The following ZDHHC19 variants were observed in gnomAD, a reference collection of about 807,000 sequenced individuals.
The protein encoded by ZDHHC19 is palmitoyltransferase ZDHHC19.
In ZDHHC19, 30 loss-of-function variants were observed where a neutral mutation model predicts 33.9. The ratio of observed to expected loss-of-function variants is 0.88; its 90% CI spans 0.66 to 1.20. The LOEUF is 1.20. Among genes scored for constraint, ZDHHC19 ranks in the 50% most tolerant of loss-of-function variants. The probability of loss-of-function intolerance (pLI) is 0.00; values close to 1 mark genes in which losing one functional copy is unlikely to be tolerated. For missense variants in ZDHHC19, 364 were observed against 401.1 expected, an observed-to-expected ratio of 0.91 and a Z score of 0.79; for synonymous variants, 178 against 167.6, an observed-to-expected ratio of 1.06 and a Z score of -0.48.
Position 196,198,392 on chromosome 3 carries a change from G to A in ZDHHC19, c.833C>T (p.Pro278Leu), listed in dbSNP as rs770352847. ...RVVGPDWTSMPNLHPPMSPSA... is the reference protein window; with the variant it reads ...RVVGPDWTSMLNLHPPMSPSA... ...GGGGGACATTGGAGGGTGCAGATTC[G>A]GCATGGATGTCCAGTCAGGCCCCAC... Residue 278 changes from proline (P) to leucine (L), a missense_variant, in exon 7 of 8, where the codon CCG (proline) becomes CTG (leucine). By Grantham distance (98) the Pro-to-Leu change is moderately conservative (BLOSUM62 -3). Transcript: ENST00000296326. The A allele has an allele frequency of 1.4e-5, 22 of 1,542,218 alleles. No homozygotes were observed. The highest frequency in any genetic ancestry group is 9.1e-5 in the East Asian group (4 of 44,180).
Position 196,198,349 on chromosome 3 carries a change from T to TG in ZDHHC19, c.875dup (p.Ala293SerfsTer69), listed in dbSNP as rs1258231230. The TG allele has an allele frequency of 2.2e-5, 33 of 1,519,708 alleles. No homozygotes were observed. Among genetic ancestry groups the TG allele is most frequent in the Non-Finnish European group, 2.8e-5 (32 of 1,134,228 alleles). 94.1% of individuals were successfully genotyped at this position (1,519,708 alleles called of 1,614,324 possible). On this transcript the variant is annotated frameshift_variant, in exon 7 of 8. Coordinates refer to ENST00000296326, the MANE Select transcript of ZDHHC19 (RefSeq NM_001039617.2). LOFTEE classifies it high-confidence loss of function. ...TTTGTAGGGACCCAGAGGTTGGGGC[T>TG]GGGGGGTTGAGAGCAGAGGGGGACA...
At chr3:196,211,097 C>T in intron 1 of ZDHHC19, 73 bp downstream of exon 1, 2 of 1,610,124 alleles carry the variant, frequency 1.2e-6, no homozygotes, top group Non-Finnish European at 1.7e-6. Context: ...ACTCCCCTGC[C>T]TCCATCCTAT....
At chr3:196,210,546 T>C (rs1723208651) in intron 2 of ZDHHC19, 70 bp downstream of exon 2, 1 of 1,604,454 alleles carries the variant, frequency 6.2e-7, no homozygotes, top group African/African-American at 1.3e-5. Context: ...GAAGAGCACT[T>C]TAGGAATCCC....
Position 196,207,405 on chromosome 3 carries a change from T to C in ZDHHC19, c.680A>G (p.Lys227Arg), listed in dbSNP as rs75748256. 11,387 of 1,561,306 alleles carry C rather than the reference T, an allele frequency of 7.3e-3. 365 individuals carry two copies. The highest frequency in any genetic ancestry group is 0.06 in the South Asian group (5,114 of 84,652). ...ACCCGCGGCCCCGCGTACCTTGCCC[T>C]TGTAGGTGCGGTCGGCCGAGCTCAC... ...LSVSSADRTYKGKCRHLQGYN... is the reference protein window; with the variant it reads ...LSVSSADRTYRGKCRHLQGYN... The change falls in exon 5 of 8, where the codon AAG becomes AGG. Residue 227 changes from lysine to arginine, a missense_variant. By Grantham distance (26) the Lys-to-Arg change is conservative. Transcript: ENST00000296326.
Position 196,200,500 on chromosome 3 carries a change from G to A in ZDHHC19, c.688-1626C>T, listed in dbSNP as rs536632480. Among the ~76,000 whole-genome samples, 498 of 149,690 alleles carry A rather than the reference G, an allele frequency of 3.3e-3. 4 individuals carry two copies. Among genetic ancestry groups the A allele is most frequent in the African/African-American group, 4.0e-3 (162 of 40,424 alleles). On this transcript the variant is annotated intron_variant, in intron 5 of 7. Coordinates refer to ENST00000296326, the MANE Select transcript of ZDHHC19 (RefSeq NM_001039617.2). ...CTCCCAAGTAGCTGGGATTACAGGT[G>A]CTCGCCACCACGCCCAGCTAATTTT... is the stretch of plus-strand genomic sequence containing the variant.
chr3:196,205,851 G>C (rs959960289), intron 5 of ZDHHC19, among the ~76,000 whole-genome samples: 5 of 152,008 alleles, frequency 3.3e-5, no homozygotes, highest in Admixed American at 3.3e-4. Flanking sequence ...GTAGAGACAG[G>C]GTTTCGCCAT....
chr3:196,210,448 GA>G lies in ZDHHC19; in HGVS notation c.268+167del, dbSNP rs1383045870. Among the ~76,000 whole-genome samples the G allele has an allele frequency of 1.3e-5, 2 of 151,780 alleles. 1 individual carries two copies. Among genetic ancestry groups the G allele is most frequent in the Non-Finnish European group, 2.9e-5 (2 of 67,950 alleles). On this transcript the variant is annotated intron_variant, in intron 2 of 7. Coordinates refer to ENST00000296326, the MANE Select transcript of ZDHHC19 (RefSeq NM_001039617.2). ...AAAGAAAGAAAGAGAAAGAAAGAAA[GA>G]AAAGAGAAGAGAAGAAAGAGTGAGC...
rs2108706241 is a variant in ZDHHC19, at chr3:196,197,821, G to A, written c.*20-96C>T. The A allele has an allele frequency of 6.5e-6, 1 of 154,354 alleles. No individual in the cohort carries two copies. The highest frequency in any genetic ancestry group is 2.1e-4 in the South Asian group (1 of 4,854). 9.6% of individuals were successfully genotyped at this position (154,354 alleles called of 1,614,324 possible). On this transcript the variant is annotated intron_variant, in intron 7 of 7. Coordinates refer to ENST00000296326, the MANE Select transcript of ZDHHC19 (RefSeq NM_001039617.2). The surrounding 1 kb of genome is among the most constrained non-coding windows in gnomAD (Gnocchi z 4.4). ...TCCTGGAGGCAAAGGGAGCGGGCTG[G>A]CCCCACAGAATGTGCTGCAGAGGCC... is the stretch of plus-strand genomic sequence containing the variant.
Position 196,198,824 on chromosome 3 carries a change from G to C in ZDHHC19, c.738C>G (p.Asn246Lys). The C allele has an allele frequency of 1.2e-6, 2 of 1,614,168 alleles. No homozygotes were observed. Among genetic ancestry groups the C allele is most frequent in the Non-Finnish European group, 1.7e-6 (2 of 1,180,016 alleles). ...YNPFDQGCAS[N>K]WYLTICAPLG... ...GTGGTGCACAAATTGTTAAATACCA[G>C]TTGCTGGCACAGCCCTGGTCGAAGG... The change falls in exon 6 of 8, where the codon AAC (asparagine) becomes AAG (lysine). Residue 246 changes from asparagine (N) to lysine (K), a missense_variant. Physicochemically the swap from Asn to Lys is moderately conservative, Grantham distance 94. Coordinates refer to ENST00000296326, the MANE Select transcript of ZDHHC19 (RefSeq NM_001039617.2).
At chr3:196,208,318 G>A in intron 4 of ZDHHC19, 70 bp downstream of exon 4, 22 of 1,331,340 alleles carry the variant, frequency 1.7e-5, no homozygotes, top group Non-Finnish European at 2.0e-5. Flanking sequence ...CGCCCCCATA[G>A]CCCCGCCCTC....
At chr3:196,200,327 G>GATATATATATATATATAT (rs374551956) in intron 5 of ZDHHC19, among the ~76,000 whole-genome samples, 1 of 116,798 alleles carries the variant, frequency 8.6e-6, no homozygotes, top group Non-Finnish European at 1.7e-5. Flanking sequence ...AAAATTTAGG[G>GATATATATATATATATAT]ATATATATAT....
At chr3:196,208,787 T>C (rs1300953873) in intron 3 of ZDHHC19, 2 of 552,914 alleles carry the variant, frequency 3.6e-6, no homozygotes, top group South Asian at 2.3e-5. Flanking sequence ...TCAGAAGACC[T>C]TTAGAGAGAA....
chr3:196,211,341 G>A lies in ZDHHC19; in HGVS notation c.-26C>T, dbSNP rs771660856. Reference sequence around the variant, plus strand: ...GGCTGGGCCTCCTTCGCCTCCAGGGGAGGTCAGAGCCACCAGGCTTCCTCC... The same window carrying A: ...GGCTGGGCCTCCTTCGCCTCCAGGGAAGGTCAGAGCCACCAGGCTTCCTCC... On this transcript the variant is annotated 5_prime_UTR_variant, in exon 1 of 8. Transcript: ENST00000296326. 13 of 1,583,898 alleles carry A rather than the reference G, an allele frequency of 8.2e-6. 1 individual carries two copies. The Admixed American group carries it at 2.3e-4, about 28-fold the overall frequency.
At chr3:196,209,788 C>T (rs1723067159) in intron 2 of ZDHHC19, among the ~76,000 whole-genome samples, 1 of 152,212 alleles carries the variant, frequency 6.6e-6, no homozygotes, top group African/African-American at 2.4e-5. Flanking sequence ...GAAGTGCATA[C>T]AGTGGTTTGG....
Position 196,209,452 on chromosome 3 carries a change from A to T in ZDHHC19, c.332T>A (p.Leu111Gln), listed in dbSNP as rs369626597. ...VVWVNHGAFR[L>Q]QWCPKCCFHR... ...GAAGCAGCACTTTGGACACCATTGCAGGCGGAAGGCCCCGTGGTTCACCCA... is the reference window on the plus strand; with the variant it reads ...GAAGCAGCACTTTGGACACCATTGCTGGCGGAAGGCCCCGTGGTTCACCCA... Residue 111 changes from leucine to glutamine, a missense_variant, in exon 3 of 8, where the codon CTG (leucine) becomes CAG (glutamine). Coordinates refer to ENST00000296326, the MANE Select transcript of ZDHHC19 (RefSeq NM_001039617.2). 1.9e-6 allele frequency: 3 copies of T among 1,611,832 alleles called. No homozygotes were observed. Among genetic ancestry groups the T allele is most frequent in the Non-Finnish European group, 1.7e-6 (2 of 1,179,336 alleles).
intron 3 of ZDHHC19, chr3:196,209,053 G>C (rs112348288): frequency 5.3e-5 from 18 of 337,532 alleles, no homozygotes; most frequent in African/African-American, 3.1e-4. Context: ...CGGGCAGCCA[G>C]CCTGAGGGGC....
Position 196,210,276 on chromosome 3 carries a change from A to AAGAAAGAAAG in ZDHHC19, c.268+330_268+339dup, listed in dbSNP as rs1313185108. Among the ~76,000 whole-genome samples, 26 of 147,352 alleles carry AAGAAAGAAAG rather than the reference A, an allele frequency of 1.8e-4. 2 individuals are homozygous for AAGAAAGAAAG. Among genetic ancestry groups the AAGAAAGAAAG allele is most frequent in the African/African-American group, 5.9e-4 (24 of 40,442 alleles). ...AAAAGAAAGAAAGAAAAGAGAAAGAAAGAAAGAAAGAAGGAAGGAAGGAAA... is the reference window on the plus strand; with the variant it reads ...AAAAGAAAGAAAGAAAAGAGAAAGAAAGAAAGAAAGAGAAAGAAAGAAGGAAGGAAGGAAA... On this transcript the variant is annotated intron_variant, in intron 2 of 7. Transcript: ENST00000296326.
chr3:196,201,103 C>T (rs913960131), intron 5 of ZDHHC19, among the ~76,000 whole-genome samples: 5 of 150,890 alleles, frequency 3.3e-5, no homozygotes, highest in Non-Finnish European at 7.4e-5. Flanking sequence ...GACGGAGTCT[C>T]ACTGTGTCGC....
chr3:196,207,130 C>G (rs780391171), intron 5 of ZDHHC19, among the ~76,000 whole-genome samples: 1 of 152,146 alleles, frequency 6.6e-6, no homozygotes, highest in South Asian at 2.1e-4. Flanking sequence ...CTCATCAACA[C>G]GAGTGTGGAA....
Sources: allele counts gnomAD v4.1 joint callset (sites outside exome capture counted in the v4.1 genomes callset), GRCh38; gene constraint gnomAD v4.1.1; non-coding constraint Gnocchi (gnomAD v3.1); transcripts MANE v1.5; gene names NCBI Gene and HGNC (gene_info 2026-07-23, HGNC 2026-07-21).